The following DACH2 variants were observed in gnomAD, a reference collection of about 807,000 sequenced individuals.
DACH2 encodes the protein dachshund family transcription factor 2, also known as dachshund homolog 2.
Under a neutral mutation model 35.8 loss-of-function variants are expected in DACH2, and 17 were observed. The observed-to-expected ratio is 0.48, with a 90% confidence interval of 0.33 to 0.71. The LOEUF (loss-of-function observed/expected upper bound fraction) is 0.71. Ranked by LOEUF, DACH2 falls within the 30% of genes least tolerant of loss-of-function variation. The probability of loss-of-function intolerance (pLI) is 0.02; values close to 1 mark genes in which losing one functional copy is unlikely to be tolerated. For missense variants in DACH2, 469 were observed against 472.7 expected, an observed-to-expected ratio of 0.99 and a Z score of 0.07; for synonymous variants, 195 against 177.3, an observed-to-expected ratio of 1.10 and a Z score of -0.79.
chrX:86,242,303 T>C (rs2033182736), intron 1 of DACH2, among the ~76,000 whole-genome samples: 2 of 112,541 alleles, frequency 1.8e-5, no homozygotes, highest in Non-Finnish European at 3.8e-5. Context: ...CACTGTGTCC[T>C]GTATGTGAGT....
intron 1 of DACH2, among the ~76,000 whole-genome samples, chrX:86,295,126 C>A (rs771283765): frequency 9.0e-6 from 1 of 111,595 alleles, no homozygotes; most frequent in Non-Finnish European, 1.9e-5. Context: ...TCTGATGCCC[C>A]GTTTTTTAAG....
chrX:86,204,081 A>G (rs189086035), intron 1 of DACH2, among the ~76,000 whole-genome samples: 249 of 111,775 alleles, frequency 2.2e-3, no homozygotes, highest in Non-Finnish European at 2.1e-3. Flanking sequence ...ATTTAAGTAT[A>G]AAAAGTATCT....
intron 1 of DACH2, among the ~76,000 whole-genome samples, chrX:86,308,724 G>A (rs1466619717): frequency 9.0e-6 from 1 of 111,628 alleles, no homozygotes; most frequent in Non-Finnish European, 1.9e-5. Context: ...TTTTACCAGG[G>A]TAACTGTGCA....
Position 86,651,117 on chromosome X carries a change from G to T in DACH2, c.722G>T (p.Gly241Val), listed in dbSNP as rs1361685637. 1.7e-6 allele frequency: 2 copies of T among 1,210,097 alleles called. No individual in the cohort carries two copies. Among genetic ancestry groups the T allele is most frequent in the Non-Finnish European group, 2.2e-6 (2 of 894,651 alleles). Residue 241 changes from glycine (G) to valine (V), a missense_variant, in exon 4 of 12, where the codon GGA (glycine) becomes GTA (valine). By Grantham distance (109) the Gly-to-Val change is moderately radical. This residue lies in a region of DACH2 where 363 missense variants were observed against 334.4 expected (regional missense o/e 1.09). Transcript: ENST00000373125. ...LMAMNTLQGN[G>V]SQNGTESEPD... ...GCTATGAACACTCTTCAGGGAAATG[G>T]AAGCCAAAATGGGACCGAATCAGAG...
intron 4 of DACH2, among the ~76,000 whole-genome samples, chrX:86,690,763 A>C (rs1210288366): frequency 9.1e-6 from 1 of 110,312 alleles, no homozygotes; most frequent in Non-Finnish European, 1.9e-5. Context: ...ATTTCTACGA[A>C]GTAAGGGCTT....
intron 1 of DACH2, among the ~76,000 whole-genome samples, chrX:86,293,461 T>C (rs1213651215): frequency 9.2e-6 from 1 of 108,632 alleles, no homozygotes; most frequent in Admixed American, 9.9e-5. Flanking sequence ...TTTGATCCTG[T>C]CATTATGATG....
At chrX:86,180,346 T>C (rs1448869804) in intron 1 of DACH2, among the ~76,000 whole-genome samples, 1 of 106,297 alleles carries the variant, frequency 9.4e-6, no homozygotes, top group Non-Finnish European at 1.9e-5. Flanking sequence ...GCAATCATAA[T>C]GTTCAGGTCC....
chrX:86,276,691 G>T lies in DACH2; in HGVS notation c.489-100133G>T, dbSNP rs566207210. Among the ~76,000 whole-genome samples, 48 of 111,753 alleles carry T rather than the reference G, an allele frequency of 4.3e-4. 1 individual carries two copies. The South Asian group carries it at 0.018, about 41-fold the overall frequency. Reference sequence around the variant, plus strand: ...ACTTAGATTTATCTTTAATCATTTCGATTTCATTTTTGTATATGGCAAGAG... The same window carrying T: ...ACTTAGATTTATCTTTAATCATTTCTATTTCATTTTTGTATATGGCAAGAG... On this transcript the variant is annotated intron_variant, in intron 1 of 11. Transcript: ENST00000373125.
At chrX:86,348,296 T>C (rs1182991504) in intron 1 of DACH2, among the ~76,000 whole-genome samples, 2 of 112,238 alleles carry the variant, frequency 1.8e-5, no homozygotes, top group African/African-American at 6.5e-5. Flanking sequence ...TATGTGAAGA[T>C]GGACGCAACT....
chrX:86,473,784 G>A (rs1332889644), intron 2 of DACH2, among the ~76,000 whole-genome samples: 4 of 111,269 alleles, frequency 3.6e-5, no homozygotes, highest in Non-Finnish European at 7.5e-5. Context: ...GGACACTTAC[G>A]TGGCTTCCAA....
At chrX:86,708,892 G>GA (rs1311939548) in intron 5 of DACH2, among the ~76,000 whole-genome samples, 1 of 111,284 alleles carries the variant, frequency 9.0e-6, no homozygotes. Context: ...GAACTCTGAT[G>GA]AAAAAATCCA....
intron 1 of DACH2, among the ~76,000 whole-genome samples, chrX:86,264,494 T>C (rs368262312): frequency 4.1e-4 from 45 of 111,073 alleles, no homozygotes; most frequent in East Asian, 3.6e-3. Flanking sequence ...TTTTATTAGA[T>C]AGTATAAAGA....
At chrX:86,365,550 C>T (rs900727195) in intron 1 of DACH2, among the ~76,000 whole-genome samples, 1 of 110,838 alleles carries the variant, frequency 9.0e-6, no homozygotes, top group Non-Finnish European at 1.9e-5. Flanking sequence ...TAACAGTATC[C>T]GTCGGTATTT....
At chrX:86,583,721 CAAAT>C (rs1243145555) in intron 3 of DACH2, among the ~76,000 whole-genome samples, 1 of 108,452 alleles carries the variant, frequency 9.2e-6, no homozygotes, top group Non-Finnish European at 1.9e-5. Context: ...TATTAATTTT[CAAAT>C]AAATAACCAG....
chrX:86,254,895 A>G (rs1487526069), intron 1 of DACH2, among the ~76,000 whole-genome samples: 1 of 103,533 alleles, frequency 9.7e-6, no homozygotes, highest in Non-Finnish European at 2.0e-5. Context: ...TTAAAGAAGA[A>G]CCCATAAAAG....
At chrX:86,757,589 A>G (rs2041841047) in intron 7 of DACH2, among the ~76,000 whole-genome samples, 1 of 111,831 alleles carries the variant, frequency 8.9e-6, no homozygotes, top group Non-Finnish European at 1.9e-5. Context: ...TGTAATTCCC[A>G]TGTGTTGGAG....
At chrX:86,262,178 C>T (rs1467863311) in intron 1 of DACH2, among the ~76,000 whole-genome samples, 2 of 109,905 alleles carry the variant, frequency 1.8e-5, no homozygotes, top group East Asian at 5.8e-4. Context: ...AGTTCCAGCT[C>T]CTCGGGAGGC....
At chrX:86,570,439 G>A (rs2039351118) in intron 3 of DACH2, among the ~76,000 whole-genome samples, 1 of 111,313 alleles carries the variant, frequency 9.0e-6, no homozygotes, top group Admixed American at 9.6e-5. Flanking sequence ...CCTTTGCAGG[G>A]AGATGGATGA....
chrX:86,722,520 T>A (rs1396964314), intron 6 of DACH2, among the ~76,000 whole-genome samples: 1 of 34,052 alleles, frequency 2.9e-5, no homozygotes, highest in African/African-American at 9.5e-5. Context: ...GGCTAATGTG[T>A]TTTTTTTTTT....
Sources: allele counts gnomAD v4.1 joint callset (sites outside exome capture counted in the v4.1 genomes callset), GRCh38; gene constraint gnomAD v4.1.1; regional missense constraint gnomAD v4.1.1; transcripts MANE v1.5; gene names NCBI Gene and HGNC (gene_info 2026-07-23, HGNC 2026-07-21).